The following NCKAP5 variants were observed in gnomAD, a reference collection of about 807,000 sequenced individuals.
NCKAP5 encodes nck-associated protein 5.
NCKAP5 carries 92 observed loss-of-function variants against 167.0 expected under a neutral mutation model. That is an observed-to-expected ratio of 0.55 (90% CI 0.47 to 0.66). The LOEUF is 0.66. Among genes scored for constraint, NCKAP5 ranks in the 30% least tolerant of loss-of-function variants. The pLI is 0.00. For synonymous variants in NCKAP5, 891 were observed against 877.4 expected (o/e 1.02, Z -0.27); for missense variants, 2,378 against 2,315.0 (o/e 1.03, Z -0.56).
chr2:132,703,717 A>T (rs1033438878), intron 19 of NCKAP5, among the ~76,000 whole-genome samples: 1 of 152,218 alleles, frequency 6.6e-6, no homozygotes, highest in East Asian at 1.9e-4. Flanking sequence ...CATTCAACAA[A>T]CATTTATAAT....
At chr2:132,719,228 G>A (rs73957631) in intron 19 of NCKAP5, among the ~76,000 whole-genome samples, 1,810 of 152,242 alleles carry the variant, frequency 0.012, 36 homozygotes, top group African/African-American at 0.042. Context: ...TGGGCTTTGT[G>A]AGCCTTGTAA....
At chr2:133,469,448 T>A (rs888492019) in intron 3 of NCKAP5, among the ~76,000 whole-genome samples, 8 of 152,142 alleles carry the variant, frequency 5.3e-5, no homozygotes, top group African/African-American at 1.9e-4. Flanking sequence ...TTAACATTTT[T>A]TCCTTCATTT....
intron 8 of NCKAP5, among the ~76,000 whole-genome samples, chr2:132,884,473 T>G (rs1310890203): frequency 6.6e-6 from 1 of 152,214 alleles, no homozygotes; most frequent in Non-Finnish European, 1.5e-5. Flanking sequence ...TGCAGTCTTA[T>G]TAGGCAATGC....
intron 16 of NCKAP5, among the ~76,000 whole-genome samples, chr2:132,772,512 A>C (rs1682168705): frequency 6.6e-6 from 1 of 152,204 alleles, no homozygotes; most frequent in Admixed American, 6.5e-5. Flanking sequence ...TCACAGGCCC[A>C]AGAACACCTC....
intron 4 of NCKAP5, among the ~76,000 whole-genome samples, chr2:133,269,556 G>T (rs2089415479): frequency 1.3e-5 from 2 of 152,180 alleles, no homozygotes; most frequent in Admixed American, 1.3e-4. Flanking sequence ...CAAGGTCTAG[G>T]AACATTAATG....
chr2:132,692,195 T>C (rs182286057), intron 19 of NCKAP5, among the ~76,000 whole-genome samples: 1 of 151,968 alleles, frequency 6.6e-6, no homozygotes, highest in African/African-American at 2.4e-5. Context: ...CAGGCTGGAG[T>C]GCAGTGGCGC....
intron 11 of NCKAP5, among the ~76,000 whole-genome samples, chr2:132,844,600 T>G (rs1417103947): frequency 1.3e-5 from 2 of 152,210 alleles, no homozygotes; most frequent in African/African-American, 4.8e-5. Flanking sequence ...TTTTAAGATA[T>G]GTTTCTAGGT....
At position 132,795,905 on chromosome 2, in the gene NCKAP5, C is replaced by CT. The variant is rs1238226763; in HGVS notation, c.909+722dup. ...CCCATTTTTAAATAAAAACTCCATA[C>CT]TTAAAAAAAAAAAACTCCTGACTTT... On this transcript the variant is annotated intron_variant, in intron 12 of 19. Transcript: ENST00000409261. Among the ~76,000 whole-genome samples, 3 of 87,174 alleles carry CT rather than the reference C, an allele frequency of 3.4e-5. No homozygotes were observed. In the Admixed American group the frequency reaches 3.7e-4, roughly 11 times the overall value. The allele number at this position is 87,174 out of a possible 152,430, so 57.2% of individuals were successfully genotyped here.
At chr2:133,489,433 G>A (rs1385060144) in intron 3 of NCKAP5, among the ~76,000 whole-genome samples, 6 of 152,152 alleles carry the variant, frequency 3.9e-5, no homozygotes, top group Admixed American at 3.9e-4. Flanking sequence ...AGAATACACA[G>A]TCATCCATTC....
At chr2:133,257,390 G>A (rs957726064) in intron 4 of NCKAP5, among the ~76,000 whole-genome samples, 9 of 152,150 alleles carry the variant, frequency 5.9e-5, no homozygotes, top group South Asian at 2.1e-4. Context: ...CATAACAGGC[G>A]TAAGAATGGA....
intron 5 of NCKAP5, among the ~76,000 whole-genome samples, chr2:133,209,040 C>T (rs917908582): frequency 6.7e-6 from 1 of 148,930 alleles, no homozygotes; most frequent in Non-Finnish European, 1.5e-5. Flanking sequence ...TACCTCATGT[C>T]AAAATAATTC....
chr2:132,979,213 C>A (rs2077059772), intron 7 of NCKAP5, among the ~76,000 whole-genome samples: 1 of 152,186 alleles, frequency 6.6e-6, no homozygotes, highest in Admixed American at 6.5e-5. Context: ...TTAGCAGGCA[C>A]CACTAACTAA....
At chr2:133,304,637 A>C (rs749794546) in intron 3 of NCKAP5, among the ~76,000 whole-genome samples, 4 of 152,232 alleles carry the variant, frequency 2.6e-5, no homozygotes, top group African/African-American at 7.2e-5. Flanking sequence ...TGTTCAGCCA[A>C]GAAAAACTAA....
intron 3 of NCKAP5, among the ~76,000 whole-genome samples, chr2:133,425,326 A>T (rs1179294826): frequency 1.3e-5 from 2 of 152,258 alleles, no homozygotes; most frequent in African/African-American, 4.8e-5. Context: ...ACCTATGTGG[A>T]GAAGAAACTG....
At chr2:133,668,115 T>C in the NCKAP5 span, among the ~76,000 whole-genome samples, 2 of 152,078 alleles carry the variant, frequency 1.3e-5, no homozygotes, top group African/African-American at 4.8e-5. Flanking sequence ...CAGGGCTTCA[T>C]TCCTTTATAT....
At chr2:133,144,182 C>T (rs537597770) in intron 5 of NCKAP5, among the ~76,000 whole-genome samples, 2 of 152,174 alleles carry the variant, frequency 1.3e-5, no homozygotes, top group African/African-American at 4.8e-5. Context: ...CAGGGGTTGG[C>T]AAGTTTTTCT....
At chr2:133,383,665 G>C (rs1686699381) in intron 3 of NCKAP5, among the ~76,000 whole-genome samples, 1 of 152,186 alleles carries the variant, frequency 6.6e-6, no homozygotes, top group Admixed American at 6.5e-5. Context: ...GGTTGAACTA[G>C]TTTACAGTCC....
intron 19 of NCKAP5, among the ~76,000 whole-genome samples, chr2:132,687,110 G>A (rs1042242611): frequency 2.0e-5 from 3 of 152,178 alleles, no homozygotes; most frequent in African/African-American, 7.2e-5. Context: ...TTGGAATGAA[G>A]GTTTAAAAAT....
chr2:133,298,981 A>C (rs1013633181), intron 4 of NCKAP5, among the ~76,000 whole-genome samples: 1 of 152,098 alleles, frequency 6.6e-6, no homozygotes. Flanking sequence ...ATATGTAGTA[A>C]CAAACCTGCA....
Sources: gnomAD v4.1 joint callset for allele counts (sites outside exome capture counted in the v4.1 genomes callset) on GRCh38, gnomAD v4.1.1 for gene constraint, MANE v1.5 for transcripts, NCBI Gene and HGNC (gene_info 2026-07-23, HGNC 2026-07-21) for gene names.